CACNA1B: variants seen among roughly 807,000 people sequenced by gnomAD.
CACNA1B encodes voltage-dependent N-type calcium channel subunit alpha-1B.
A neutral mutation model predicts 247.2 loss-of-function variants in CACNA1B; 70 were observed. That is an observed-to-expected ratio of 0.28 (90% CI 0.23 to 0.35). The LOEUF is 0.35. Ranked by LOEUF, CACNA1B falls within the 10% of genes least tolerant of loss-of-function variation. The probability of loss-of-function intolerance (pLI) is 1.00; values close to 1 mark genes in which losing one functional copy is unlikely to be tolerated. For missense variants in CACNA1B, 2,367 were observed against 3,197.4 expected (o/e 0.74, Z 6.26); for synonymous variants, 1,231 against 1,294.4 (o/e 0.95, Z 1.05).
chr9:138,067,334 T>C (rs1181820656), intron 31 of CACNA1B, among the ~76,000 whole-genome samples: 1 of 152,248 alleles, frequency 6.6e-6, no homozygotes, highest in Non-Finnish European at 1.5e-5. Flanking sequence ...AACAGATTTT[T>C]CTAGAGAACA....
intron 3 of CACNA1B, among the ~76,000 whole-genome samples, chr9:137,893,921 A>G (rs779347154): frequency 1.3e-5 from 2 of 151,960 alleles, no homozygotes; most frequent in Non-Finnish European, 2.9e-5. Context: ...CCTTCCTCCT[A>G]CTTACCTCAC....
Position 138,058,496 on chromosome 9 carries a change from G to C in CACNA1B, c.4309-73G>C, listed in dbSNP as rs778387879. On this transcript the variant is annotated intron_variant, in intron 28 of 46. Coordinates refer to ENST00000371372, the MANE Select transcript of CACNA1B (RefSeq NM_000718.4). This position sits in a 1 kb window ranked among gnomAD's most constrained non-coding sequence, Gnocchi z 4.7. ...GCTCCCTGTGAGGCCTGGCGAGACAGGGCTGGGTGCAGTAGATGCCGTCGG... is the reference window on the plus strand; with the variant it reads ...GCTCCCTGTGAGGCCTGGCGAGACACGGCTGGGTGCAGTAGATGCCGTCGG... The C allele has an allele frequency of 7.2e-7, 1 of 1,387,478 alleles. No individual in the cohort carries two copies. Among genetic ancestry groups the C allele is most frequent in the South Asian group, 1.3e-5 (1 of 75,506 alleles). The allele number at this position is 1,387,478 out of a possible 1,614,324, so 85.9% of individuals were successfully genotyped here. A position where few individuals can be genotyped will look rare whatever the true frequency, so the allele number is the denominator to read the frequency against.
At position 138,117,961 on chromosome 9, in the gene CACNA1B, T is replaced by C. The variant is rs780438692; in HGVS notation, c.5793T>C (p.Ser1931=). The change falls in exon 43 of 47, where the codon AGT becomes AGC. Residue 1931 remains serine, a synonymous_variant. Transcript: ENST00000371372. ...SNGGAIQNQE[S]GIKESVSWGT... is the part of the protein sequence containing the mutation. ...TCTGCCACAGACAAAACCAAGAGAGTGGCATCAAAGAGTCTGTCTCCTGGG... is the reference window on the plus strand; with the variant it reads ...TCTGCCACAGACAAAACCAAGAGAGCGGCATCAAAGAGTCTGTCTCCTGGG... The C allele has an allele frequency of 6.3e-7, 1 of 1,582,802 alleles. No individual in the cohort carries two copies. The highest frequency in any genetic ancestry group is 1.7e-5 in the Admixed American group (1 of 57,826).
intron 40 of CACNA1B, among the ~76,000 whole-genome samples, chr9:138,113,934 G>A (rs1211190109): frequency 1.4e-5 from 2 of 145,832 alleles, no homozygotes; most frequent in Non-Finnish European, 3.0e-5. Flanking sequence ...CCATCTTGTG[G>A]GAGACGTGAG....
chr9:137,939,074 GA>G lies in CACNA1B; in HGVS notation c.967-13191del, dbSNP rs957732915. 9.1e-4 allele frequency among the ~76,000 whole-genome samples: 136 copies of G among 149,248 alleles called. 1 individual carries two copies. The highest frequency in any genetic ancestry group is 3.5e-3 in the Middle Eastern group (1 of 288). ...GACAGAGCGAGATTCTGTCCTAAAA[GA>G]AAAAAAAAGAGAGAGAAATGAGATA... On this transcript the variant is annotated intron_variant, in intron 6 of 46. Transcript: ENST00000371372.
rs1178101494 is a variant in CACNA1B at position 138,076,444 on chromosome 9, C to G, written c.4949+534C>G. 2.6e-5 allele frequency among the ~76,000 whole-genome samples: 4 copies of G among 152,342 alleles called. No individual in the cohort carries two copies. In the South Asian group the frequency reaches 8.3e-4, roughly 32 times the overall value. The stretch of plus-strand genomic sequence containing the variant: ...GCCGATCTGAACACACCTTTATTTT[C>G]CACCATCTCTCATGGGAGCTGCCGT... On this transcript the variant is annotated intron_variant, in intron 35 of 46. Transcript: ENST00000371372.
chr9:138,108,640 T>A (rs923819304), intron 39 of CACNA1B, among the ~76,000 whole-genome samples: 1 of 151,844 alleles, frequency 6.6e-6, no homozygotes, highest in African/African-American at 2.4e-5. Context: ...ACATAATCTT[T>A]AAGCAAACTG....
chr9:137,992,168 C>T (rs1958438913), intron 15 of CACNA1B, among the ~76,000 whole-genome samples: 1 of 152,168 alleles, frequency 6.6e-6, no homozygotes, highest in Non-Finnish European at 1.5e-5. Context: ...TAAGAATTCA[C>T]CAACCATGTT....
At chr9:137,991,004 A>G (rs1958425876) in intron 15 of CACNA1B, among the ~76,000 whole-genome samples, 1 of 152,190 alleles carries the variant, frequency 6.6e-6, no homozygotes, top group South Asian at 2.1e-4. Flanking sequence ...CAGGAAAACA[A>G]TTCTGGTAAT....
rs1961207582 is a variant in CACNA1B at position 138,100,248 on chromosome 9, G to C, written c.5223-2463G>C. ...TGGAGAGGAGAGTGCATTGCAGAGG[G>C]GCTGCAAGGAAGGCTGAGACCGTTT... On this transcript the variant is annotated intron_variant, in intron 37 of 46. Transcript: ENST00000371372. This position sits in a 1 kb window ranked among gnomAD's most constrained non-coding sequence, Gnocchi z 4.6. Among the ~76,000 whole-genome samples, 1 of 152,140 alleles carries C rather than the reference G, an allele frequency of 6.6e-6. No individual in the cohort carries two copies. The highest frequency in any genetic ancestry group is 2.1e-4 in the South Asian group (1 of 4,816).
At chr9:138,017,272 C>G (rs778784718) in intron 18 of CACNA1B, 37 of 502,024 alleles carry the variant, frequency 7.4e-5, no homozygotes, top group Middle Eastern at 3.2e-4. Context: ...TCCTTCCACT[C>G]CTAACTCTGC....
chr9:137,964,770 G>A (rs1958056062), intron 10 of CACNA1B, among the ~76,000 whole-genome samples: 1 of 152,168 alleles, frequency 6.6e-6, no homozygotes, highest in Non-Finnish European at 1.5e-5. Context: ...TGGAAGAAAA[G>A]GGGCACTCTG....
At chr9:138,112,638 A>C in intron 40 of CACNA1B, 133 bp downstream of exon 40, 1 of 652,010 alleles carries the variant, frequency 1.5e-6, no homozygotes, top group African/African-American at 1.8e-5. Context: ...CCTCCTCATG[A>C]ATCTGCCCTC....
chr9:138,087,571 C>T (rs564881574), intron 36 of CACNA1B, among the ~76,000 whole-genome samples: 5 of 142,442 alleles, frequency 3.5e-5, no homozygotes, highest in East Asian at 2.8e-4. Context: ...AAAAATTAGC[C>T]GTGTGTGGTA....
At chr9:138,040,613 TG>T in intron 20 of CACNA1B, 1 of 434,368 alleles carries the variant, frequency 2.3e-6, no homozygotes, top group East Asian at 7.5e-5. Flanking sequence ...AAGCTGAACT[TG>T]GAGTCCGATG....
At chr9:138,017,308 A>G in intron 18 of CACNA1B, 2 of 462,336 alleles carry the variant, frequency 4.3e-6, no homozygotes, top group Non-Finnish European at 8.8e-6. Flanking sequence ...CATTTGCTTC[A>G]TGGGGCAGCT....
intron 3 of CACNA1B, among the ~76,000 whole-genome samples, chr9:137,904,997 A>G (rs1035772590): frequency 2.0e-5 from 3 of 152,138 alleles, no homozygotes; most frequent in African/African-American, 4.8e-5. Flanking sequence ...ATTTTTCAGA[A>G]ACTAGTTTCT....
chr9:138,070,187 G>A (rs1253128966), intron 32 of CACNA1B, among the ~76,000 whole-genome samples: 1 of 152,220 alleles, frequency 6.6e-6, no homozygotes, highest in Non-Finnish European at 1.5e-5. Flanking sequence ...TCCCCATCAA[G>A]CCAATCAAGA....
At chr9:137,939,085 A>G (rs1957701919) in intron 6 of CACNA1B, among the ~76,000 whole-genome samples, 2 of 152,070 alleles carry the variant, frequency 1.3e-5, no homozygotes, top group African/African-American at 4.8e-5. Context: ...AAAAAAAAAG[A>G]GAGAGAAATG....
Sources: allele counts gnomAD v4.1 joint callset (sites outside exome capture counted in the v4.1 genomes callset), GRCh38; gene constraint gnomAD v4.1.1; non-coding constraint Gnocchi (gnomAD v3.1); transcripts MANE v1.5; gene names NCBI Gene and HGNC (gene_info 2026-07-23, HGNC 2026-07-21).